Variants in RPLP0 observed in about 807,000 individuals in gnomAD.
RPLP0 encodes the protein ribosomal protein lateral stalk subunit P0.
For missense variants in RPLP0, 276 were observed against 402.9 expected, an observed-to-expected ratio of 0.69 and a Z score of 2.70; for synonymous variants, 137 against 153.4, an observed-to-expected ratio of 0.89 and a Z score of 0.79.
rs781211506 is a variant in RPLP0 at position 120,198,878 on chromosome 12, G to T, written c.441C>A (p.Ile147=). Reference sequence around the variant, plus strand: ...CCAGGATTTCAATGGTGCCCCTGGAGATTTTAGTGGTGATACCTAAAGCCT... The same window carrying T: ...CCAGGATTTCAATGGTGCCCCTGGATATTTTAGTGGTGATACCTAAAGCCT... ...FFQALGITTK[I]SRGTIEILSD... Residue 147 remains isoleucine (I), a synonymous_variant, in exon 5 of 8, where the codon ATC becomes ATA. Transcript: ENST00000392514. The surrounding 1 kb of genome is among the most constrained non-coding windows in gnomAD (Gnocchi z 4.1). 86 of 1,614,026 alleles carry T rather than the reference G, an allele frequency of 5.3e-5. No homozygotes were observed. In the Admixed American group the frequency reaches 1.4e-3, roughly 26 times the overall value.
chr12:120,196,826 T>G lies in RPLP0; in HGVS notation c.901A>C (p.Lys301Gln), dbSNP rs201929734. 3.7e-6 allele frequency: 6 copies of G among 1,604,124 alleles called. No individual in the cohort carries two copies. Among genetic ancestry groups the G allele is most frequent in the Admixed American group, 1.7e-5 (1 of 59,806 alleles). ...AAAAPAKVEAKEESEESDEDM... is the reference protein window; with the variant it reads ...AAAAPAKVEAQEESEESDEDM... ...TCGTCCGACTCCTCCGACTCTTCCT[T>G]GGCTTCAACCTTAGCTGGGGCTGCA... The change falls in exon 8 of 8, where the codon AAG becomes CAG. Residue 301 changes from lysine (K) to glutamine (Q), a missense_variant. Physicochemically the swap from Lys to Gln is moderately conservative, Grantham distance 53. Coordinates refer to ENST00000392514, the MANE Select transcript of RPLP0 (RefSeq NM_001002.4).
chr12:120,200,918 G>A (rs1879432161), intron 1 of RPLP0, 87 bp from the exon 2 acceptor site: 2 of 1,415,744 alleles, frequency 1.4e-6, no homozygotes, highest in East Asian at 2.6e-5. Context: ...ACGCGCAATC[G>A]CCCGCCGGCC....
intron 2 of RPLP0, chr12:120,199,815 A>G (rs1405373182): frequency 2.8e-6 from 1 of 359,740 alleles, no homozygotes; most frequent in African/African-American, 2.1e-5. Context: ...AAGTTGGTCA[A>G]GAGGAGGGCT....
intron 1 of RPLP0, 95 bp from the exon 2 acceptor site, chr12:120,200,926 G>A: frequency 1.4e-6 from 2 of 1,399,486 alleles, no homozygotes; most frequent in African/African-American, 1.4e-5. Flanking sequence ...TCGCCCGCCG[G>A]CCCTGCCTAG....
rs754705681 is a variant in RPLP0, at chr12:120,197,417, T to C, written c.697A>G (p.Thr233Ala). 40 of 1,613,806 alleles carry C rather than the reference T, an allele frequency of 2.5e-5. No homozygotes were observed. The highest frequency in any genetic ancestry group is 3.1e-5 in the Non-Finnish European group (37 of 1,179,828). Residue 233 changes from threonine (T) to alanine (A), a missense_variant, in exon 7 of 8, where the codon ACT becomes GCT. Transcript: ENST00000392514. ...ATAGAATGGGGTACTGATGCAACAG[T>C]TGGGTAGCCAATCTGCAGACAGACA... ...ASVCLQIGYP[T>A]VASVPHSIIN... is the part of the protein sequence containing the mutation.
intron 2 of RPLP0, chr12:120,200,292 G>A (rs534083447): frequency 5.4e-4 from 187 of 344,428 alleles, no homozygotes; most frequent in Non-Finnish European, 9.1e-4. Flanking sequence ...GTGAATCCCT[G>A]TCTCTATTGA....
chr12:120,197,259 G>C (rs1054355102), intron 7 of RPLP0, 63 bp downstream of exon 7: 6 of 1,439,516 alleles, frequency 4.2e-6, no homozygotes, highest in Non-Finnish European at 5.9e-6. Flanking sequence ...AAGGTAGAAG[G>C]CCACATCACC....
Position 120,200,802 on chromosome 12 carries a change from A to G in RPLP0, c.-19T>C. 6.2e-7 allele frequency: 1 copy of G among 1,609,066 alleles called. No homozygotes were observed. Among genetic ancestry groups the G allele is most frequent in the Non-Finnish European group, 8.5e-7 (1 of 1,178,578 alleles). On this transcript the variant is annotated 5_prime_UTR_variant, in exon 2 of 8. Transcript: ENST00000392514. ...TGGGCATCACGGCGGTGCGTCAGGG[A>G]TTGCCACGCAGGGTTTAAAGACGAT...
intron 2 of RPLP0, chr12:120,200,296 C>A: frequency 2.9e-6 from 1 of 339,432 alleles, no homozygotes; most frequent in Non-Finnish European, 5.8e-6. Context: ...ATCCCTGTCT[C>A]TATTGAAAAT....
rs551529947 is a variant in RPLP0, at chr12:120,200,248, A to T, written c.54+482T>A. 36 of 379,332 alleles carry T rather than the reference A, an allele frequency of 9.5e-5. No individual in the cohort carries two copies. In the East Asian group the frequency reaches 1.6e-3, roughly 16 times the overall value. 23.5% of individuals were successfully genotyped at this position (379,332 alleles called of 1,614,324 possible). ...GGGAGGCCGAGGAAGGTGGATCATGAAGTCAAGAGATCGAGACCATCCTGG... is the reference window on the plus strand; with the variant it reads ...GGGAGGCCGAGGAAGGTGGATCATGTAGTCAAGAGATCGAGACCATCCTGG... On this transcript the variant is annotated intron_variant, in intron 2 of 7. Coordinates refer to ENST00000392514, the MANE Select transcript of RPLP0 (RefSeq NM_001002.4).
At position 120,198,095 on chromosome 12, in the gene RPLP0, T is replaced by C. The variant is rs1879252822; in HGVS notation, c.651+459A>G. Reference sequence around the variant, plus strand: ...AACAGCCCCAGCACTGTACATCCATTAATTCATTAAATCCTTTGGCCAGGC... The same window carrying C: ...AACAGCCCCAGCACTGTACATCCATCAATTCATTAAATCCTTTGGCCAGGC... On this transcript the variant is annotated intron_variant, in intron 6 of 7. Coordinates refer to ENST00000392514, the MANE Select transcript of RPLP0 (RefSeq NM_001002.4). This position sits in a 1 kb window ranked among gnomAD's most constrained non-coding sequence, Gnocchi z 4.1. 6.6e-6 allele frequency among the ~76,000 whole-genome samples: 1 copy of C among 152,066 alleles called. No individual in the cohort carries two copies. Among genetic ancestry groups the C allele is most frequent in the Non-Finnish European group, 1.5e-5 (1 of 68,012 alleles).
chr12:120,198,366 A>G lies in RPLP0; in HGVS notation c.651+188T>C, dbSNP rs1879264834. 1 of 621,968 alleles carries G rather than the reference A, an allele frequency of 1.6e-6. No individual in the cohort carries two copies. The highest frequency in any genetic ancestry group is 1.9e-5 in the African/African-American group (1 of 52,642). 38.5% of individuals were successfully genotyped at this position (621,968 alleles called of 1,614,324 possible). A position where few individuals can be genotyped will look rare whatever the true frequency, so the allele number is the denominator to read the frequency against. On this transcript the variant is annotated intron_variant, in intron 6 of 7. Transcript: ENST00000392514. This position sits in a 1 kb window ranked among gnomAD's most constrained non-coding sequence, Gnocchi z 4.1. ...GTGCCACTGCACTCCAGCCTGGGCG[A>G]CACAGCAAGACTCTGTCTCCAAAAA...
intron 2 of RPLP0, 90 bp from the exon 3 acceptor site, chr12:120,199,575 T>C: frequency 7.5e-7 from 1 of 1,331,096 alleles, no homozygotes; most frequent in Non-Finnish European, 1.0e-6. Context: ...TTTGTTTCCA[T>C]CCCACTCCCT....
intron 2 of RPLP0, chr12:120,199,846 A>G (rs1313022547): frequency 2.2e-5 from 8 of 364,914 alleles, no homozygotes; most frequent in Non-Finnish European, 4.3e-5. Context: ...CATTAAAAGC[A>G]CCACGTTAAG....
intron 7 of RPLP0, 150 bp downstream of exon 7, chr12:120,197,172 G>A (rs949456725): frequency 1.2e-5 from 12 of 987,148 alleles, no homozygotes; most frequent in African/African-American, 4.9e-5. Context: ...AGTGAGAAAC[G>A]CCTTCCCTGC....
Position 120,199,399 on chromosome 12 carries a change from A to C in RPLP0, c.141T>G (p.Leu47=). ...SKQMQQIRMS[L]RGKAVVLMGK... is the part of the protein sequence containing the mutation. Reference sequence around the variant, plus strand: ...CCATCAGCACCACAGCCTTCCCGCGAAGGGACATGCGGATCTGCTGCATCT... The same window carrying C: ...CCATCAGCACCACAGCCTTCCCGCGCAGGGACATGCGGATCTGCTGCATCT... The change falls in exon 3 of 8, where the codon CTT becomes CTG. Residue 47 remains leucine (L), a synonymous_variant. Transcript: ENST00000392514. 1 of 1,614,156 alleles carries C rather than the reference A, an allele frequency of 6.2e-7. No homozygotes were observed. The highest frequency in any genetic ancestry group is 8.5e-7 in the Non-Finnish European group (1 of 1,180,036).
chr12:120,200,857 C>T, intron 1 of RPLP0, 26 bp from the exon 2 acceptor site: 2 of 1,562,172 alleles, frequency 1.3e-6, no homozygotes, highest in Non-Finnish European at 8.7e-7. Context: ...GAGCTCAGGC[C>T]TGGTCACGCC....
chr12:120,199,193 A>G lies in RPLP0; in HGVS notation c.243T>C (p.His81=), dbSNP rs778591952. Residue 81 remains histidine (H), a synonymous_variant, in exon 4 of 8, where the codon CAT becomes CAC. Transcript: ENST00000392514. ...NNPALEKLLP[H]IRGNVGFVFT... ...ACACAAAGCCCACATTCCCCCGGAT[A>G]TGAGGCAGCAGTCTGCAAAGAGAAG... 7 of 1,613,872 alleles carry G rather than the reference A, an allele frequency of 4.3e-6. No homozygotes were observed. The highest frequency in any genetic ancestry group is 4.0e-5 in the African/African-American group (3 of 74,938).
At chr12:120,197,682 T>C in intron 6 of RPLP0, 1 of 552,694 alleles carries the variant, frequency 1.8e-6, no homozygotes, top group Non-Finnish European at 3.2e-6. Context: ...CTGTATCCAT[T>C]GTTGATGGCA....
Sources: allele counts gnomAD v4.1 joint callset (sites outside exome capture counted in the v4.1 genomes callset), GRCh38; gene constraint gnomAD v4.1.1; non-coding constraint Gnocchi (gnomAD v3.1); transcripts MANE v1.5; gene names NCBI Gene and HGNC (gene_info 2026-07-23, HGNC 2026-07-21).